HECTD3: variants seen among roughly 807,000 people sequenced by gnomAD.
HECTD3 encodes the protein E3 ubiquitin-protein ligase HECTD3.
In HECTD3, 72 loss-of-function variants were observed where a neutral mutation model predicts 109.3. The observed-to-expected ratio is 0.66, with a 90% CI of 0.54 to 0.80. The LOEUF is 0.80. Among genes scored for constraint, HECTD3 ranks in the 30% least tolerant of loss-of-function variants. HECTD3 has a pLI of 0.00. For synonymous variants in HECTD3, 481 were observed against 471.8 expected, an observed-to-expected ratio of 1.02 and a Z score of -0.25; for missense variants, 1,041 against 1,165.2, an observed-to-expected ratio of 0.89 and a Z score of 1.55.
rs781675937 is a variant in HECTD3, at chr1:45,010,999, C to G, written c.259G>C (p.Gly87Arg). ...AAGPAPGTGS[G>R]PLRAARDSIE... ...CTGTCGCGGGCGGCGCGGAGGGGCC[C>G]GGAGCCGGTACCGGGGGCTGGGCCT... Residue 87 changes from glycine to arginine, a missense_variant, in exon 1 of 21, where the codon GGG (glycine) becomes CGG (arginine). Gly to Arg is a moderately radical substitution (Grantham distance 125). Transcript: ENST00000372172. The G allele has an allele frequency of 6.8e-7, 1 of 1,464,752 alleles. No homozygotes were observed. The highest frequency in any genetic ancestry group is 2.8e-5 in the Admixed American group (1 of 36,282). 90.7% of individuals were successfully genotyped at this position (1,464,752 alleles called of 1,614,324 possible).
At position 45,007,540 on chromosome 1, in the gene HECTD3, C is replaced by T; in HGVS notation, c.1376G>A (p.Cys459Tyr). 2 of 1,613,888 alleles carry T rather than the reference C, an allele frequency of 1.2e-6. No individual in the cohort carries two copies. The highest frequency in any genetic ancestry group is 1.7e-6 in the Non-Finnish European group (2 of 1,180,010). Residue 459 changes from cysteine to tyrosine, a missense_variant, in exon 10 of 21, where the codon TGC becomes TAC. Coordinates refer to ENST00000372172, the MANE Select transcript of HECTD3 (RefSeq NM_024602.6). ...SRQRPGLVAQCLRDSESSKPS... is the reference protein window; with the variant it reads ...SRQRPGLVAQYLRDSESSKPS... Reference sequence around the variant, plus strand: ...CTTGCTGCTCTCAGAGTCACGCAGGCACTGAGCCACCAGGCCTGGCCGCTG... The same window carrying T: ...CTTGCTGCTCTCAGAGTCACGCAGGTACTGAGCCACCAGGCCTGGCCGCTG...
At position 45,003,792 on chromosome 1, in the gene HECTD3, C is replaced by T. The variant is rs376486755; in HGVS notation, c.2430-52G>A. The T allele has an allele frequency of 1.5e-3, 2,384 of 1,612,156 alleles. 3 individuals carry two copies. Among genetic ancestry groups the T allele is most frequent in the Non-Finnish European group, 1.9e-3 (2,288 of 1,178,280 alleles). On this transcript the variant is annotated intron_variant, in intron 19 of 20. Coordinates refer to ENST00000372172, the MANE Select transcript of HECTD3 (RefSeq NM_024602.6). This position sits in a 1 kb window ranked among gnomAD's most constrained non-coding sequence, Gnocchi z 4.7. ...AGGAAGATGTGTTGGGGCACATGTA[C>T]GTGTGTGGGGAGGGAGGACAGAAGG...
At position 45,009,987 on chromosome 1, in the gene HECTD3, G is replaced by C; in HGVS notation, c.758C>G (p.Thr253Arg). 1 of 1,530,576 alleles carries C rather than the reference G, an allele frequency of 6.5e-7. No homozygotes were observed. The highest frequency in any genetic ancestry group is 8.8e-7 in the Non-Finnish European group (1 of 1,136,468). The allele number at this position is 1,530,576 out of a possible 1,614,324, so 94.8% of individuals were successfully genotyped here. The change falls in exon 4 of 21, where the codon ACG becomes AGG. Residue 253 changes from threonine (T) to arginine (R), a missense_variant and splice_region_variant. Transcript: ENST00000372172. The stretch of plus-strand genomic sequence containing the variant: ...GGTGGGAGGAGCCCCAGCACCCACC[G>C]TGTAGGAGGAAACGTCTATGCTCTC... Reference protein sequence around the residue: ...YVESIDVSSYTEEFNVSCLTD... With the variant: ...YVESIDVSSYREEFNVSCLTD...
At position 45,009,817 on chromosome 1, in the gene HECTD3, C is replaced by T. The variant is rs1287150105; in HGVS notation, c.760-134G>A. ...AGGCAACTGGTATGGGATAGGGGGC[C>T]GCTGGGTATGTAAGGGGTCCTATAG... On this transcript the variant is annotated intron_variant, in intron 4 of 20. Transcript: ENST00000372172. The T allele has an allele frequency of 2.5e-5, 26 of 1,047,868 alleles. 1 individual carries two copies. The South Asian group carries it at 2.7e-4, about 11-fold the overall frequency. 64.9% of individuals were successfully genotyped at this position (1,047,868 alleles called of 1,614,324 possible). A position where few individuals can be genotyped will look rare whatever the true frequency, so the allele number is the denominator to read the frequency against.
In HECTD3 at chr1:45,006,918, C is replaced by T; in HGVS notation, c.1621+33G>A. 6.2e-7 allele frequency: 1 copy of T among 1,608,408 alleles called. No individual in the cohort carries two copies. The highest frequency in any genetic ancestry group is 8.5e-7 in the Non-Finnish European group (1 of 1,174,836). ...TCTACCACTTTGATAGGGCAGCAAG[C>T]AGGACCCTTGAGATCCTCCCTCAGG... is the stretch of plus-strand genomic sequence containing the variant. On this transcript the variant is annotated intron_variant, in intron 12 of 20. Coordinates refer to ENST00000372172, the MANE Select transcript of HECTD3 (RefSeq NM_024602.6). This position sits in a 1 kb window ranked among gnomAD's most constrained non-coding sequence, Gnocchi z 4.7.
Position 45,006,794 on chromosome 1 carries a change from C to T in HECTD3, c.1623G>A (p.Gly541=), listed in dbSNP as rs764363669. The stretch of plus-strand genomic sequence containing the variant: ...CTGCCAGGCTGTCCCGGAAACCACC[C>T]CCTGAAATGACAGATGCCCTCAGCT... The part of the protein sequence containing the change: ...KFIAEGIIDQ[G]GGFRDSLADM... Residue 541 remains glycine (G), a splice_region_variant and synonymous_variant, in exon 13 of 21, where the codon GGG becomes GGA. Coordinates refer to ENST00000372172, the MANE Select transcript of HECTD3 (RefSeq NM_024602.6). The surrounding 1 kb of genome is among the most constrained non-coding windows in gnomAD (Gnocchi z 4.7). The T allele has an allele frequency of 1.2e-6, 2 of 1,612,092 alleles. No individual in the cohort carries two copies. The highest frequency in any genetic ancestry group is 2.2e-5 in the East Asian group (1 of 44,848).
intron 7 of HECTD3, 88 bp from the exon 8 acceptor site, chr1:45,008,789 C>A (rs993198399): frequency 3.1e-5 from 39 of 1,277,960 alleles, no homozygotes; most frequent in Non-Finnish European, 3.8e-5. Flanking sequence ...GAACGCTCAG[C>A]CTTGTGTCAC....
At chr1:45,005,004 A>T (rs1233182385) in intron 15 of HECTD3, 198 bp from the exon 16 acceptor site, 2 of 611,870 alleles carry the variant, frequency 3.3e-6, no homozygotes, top group Non-Finnish European at 5.8e-6. Context: ...CAGAGGAGGC[A>T]TCCTGTGGAA....
In HECTD3 at chr1:45,006,212, C is replaced by T; in HGVS notation, c.1726-96G>A. 6.7e-7 allele frequency: 1 copy of T among 1,495,494 alleles called. No homozygotes were observed. The highest frequency in any genetic ancestry group is 1.4e-5 in the African/African-American group (1 of 72,922). The allele number at this position is 1,495,494 out of a possible 1,614,324, so 92.6% of individuals were successfully genotyped here. ...AACATTTTCCACTGGGAACATTTTC[C>T]ACTAAATGATCCCTTCAAATGCACA... On this transcript the variant is annotated intron_variant, in intron 13 of 20. Coordinates refer to ENST00000372172, the MANE Select transcript of HECTD3 (RefSeq NM_024602.6). The surrounding 1 kb of genome is among the most constrained non-coding windows in gnomAD (Gnocchi z 4.7).
At position 45,003,659 on chromosome 1, in the gene HECTD3, A is replaced by G. The variant is rs779612022; in HGVS notation, c.2501+10T>C. 6.2e-7 allele frequency: 1 copy of G among 1,614,064 alleles called. No individual in the cohort carries two copies. The highest frequency in any genetic ancestry group is 8.5e-7 in the Non-Finnish European group (1 of 1,180,020). On this transcript the variant is annotated intron_variant, in intron 20 of 20. Transcript: ENST00000372172. This position sits in a 1 kb window ranked among gnomAD's most constrained non-coding sequence, Gnocchi z 4.7. ...CCTGGGCCCCAAATCGAGCCTAGGA[A>G]AAAACCCACCTGGCATAGTGTGGCA...
rs1644706409 is a variant in HECTD3 at position 45,003,317 on chromosome 1, C to T, written c.*175G>A. On this transcript the variant is annotated 3_prime_UTR_variant, in exon 21 of 21. Coordinates refer to ENST00000372172, the MANE Select transcript of HECTD3 (RefSeq NM_024602.6). The surrounding 1 kb of genome is among the most constrained non-coding windows in gnomAD (Gnocchi z 4.7). The stretch of plus-strand genomic sequence containing the variant: ...GGGCTTGTGGGTCTGCGGGGCTGGG[C>T]CACTAGTGTTACCTGACCATGCCAG... 1.6e-6 allele frequency: 1 copy of T among 615,172 alleles called. No homozygotes were observed. The highest frequency in any genetic ancestry group is 2.9e-6 in the Non-Finnish European group (1 of 342,630). 38.1% of individuals were successfully genotyped at this position (615,172 alleles called of 1,614,324 possible).
intron 15 of HECTD3, 62 bp from the exon 16 acceptor site, chr1:45,004,868 C>A: frequency 6.9e-7 from 1 of 1,455,408 alleles, no homozygotes; most frequent in Non-Finnish European, 9.7e-7. Context: ...CCTGTCTTTC[C>A]ACAAGATGCT....
At chr1:45,008,995 C>T (rs1198045353) in intron 7 of HECTD3, 149 bp downstream of exon 7, 10 of 730,866 alleles carry the variant, frequency 1.4e-5, no homozygotes, top group Non-Finnish European at 1.6e-5. Flanking sequence ...TCCCAGCTGG[C>T]TCAGGCCCCA....
Position 45,002,624 on chromosome 1 carries a change from G to C in HECTD3, c.*868C>G, listed in dbSNP as rs1212912393. The C allele has an allele frequency of 1.3e-5, 2 of 152,256 alleles. No homozygotes were observed. Among genetic ancestry groups the C allele is most frequent in the Non-Finnish European group, 2.9e-5 (2 of 68,078 alleles). 9.4% of individuals were successfully genotyped at this position (152,256 alleles called of 1,614,324 possible). On this transcript the variant is annotated 3_prime_UTR_variant, in exon 21 of 21. Coordinates refer to ENST00000372172, the MANE Select transcript of HECTD3 (RefSeq NM_024602.6). ...GAGTGTCACGGAGGCCCTGAGGGAG[G>C]AACGGTAAACTGGGGCAGGGGTGTG...
chr1:45,009,909 G>T, intron 4 of HECTD3, 77 bp downstream of exon 4: 9 of 1,498,686 alleles, frequency 6.0e-6, no homozygotes, highest in Non-Finnish European at 7.2e-6. Flanking sequence ...TGGCCTGCAG[G>T]TGGGGGTTCT....
chr1:45,003,323 G>T lies in HECTD3; in HGVS notation c.*169C>A. ...GTGGGTCTGCGGGGCTGGGCCACTA[G>T]TGTTACCTGACCATGCCAGCTGCCC... On this transcript the variant is annotated 3_prime_UTR_variant, in exon 21 of 21. Coordinates refer to ENST00000372172, the MANE Select transcript of HECTD3 (RefSeq NM_024602.6). The surrounding 1 kb of genome is among the most constrained non-coding windows in gnomAD (Gnocchi z 4.7). The T allele has an allele frequency of 3.2e-6, 2 of 630,788 alleles. No individual in the cohort carries two copies. Among genetic ancestry groups the T allele is most frequent in the Non-Finnish European group, 5.7e-6 (2 of 351,336 alleles). 39.1% of individuals were successfully genotyped at this position (630,788 alleles called of 1,614,324 possible).
rs377502997 is a variant in HECTD3, at chr1:45,009,106, C to G, written c.1072+38G>C. ...CTCTCTGTTTGCCCCCATCTCCACGCCGGGCTCTCTTTCCCTCCTTATAGC... is the reference window on the plus strand; with the variant it reads ...CTCTCTGTTTGCCCCCATCTCCACGGCGGGCTCTCTTTCCCTCCTTATAGC... On this transcript the variant is annotated intron_variant, in intron 7 of 20. Coordinates refer to ENST00000372172, the MANE Select transcript of HECTD3 (RefSeq NM_024602.6). 7 of 1,531,442 alleles carry G rather than the reference C, an allele frequency of 4.6e-6. No homozygotes were observed. The African/African-American group carries it at 9.6e-5, about 21-fold the overall frequency. The allele number at this position is 1,531,442 out of a possible 1,614,324, so 94.9% of individuals were successfully genotyped here.
chr1:45,005,605 A>T, intron 15 of HECTD3, 189 bp downstream of exon 15: 1 of 501,846 alleles, frequency 2.0e-6, no homozygotes. Context: ...CCCCAGGCTT[A>T]GGAGAGGCTG....
At chr1:45,008,371 AC>A in intron 8 of HECTD3, 50 bp from the exon 9 acceptor site, 1 of 1,536,176 alleles carries the variant, frequency 6.5e-7, no homozygotes, top group Non-Finnish European at 9.0e-7. Context: ...TACCTGTAAC[AC>A]CCCCAACTCC....
Sources: allele counts gnomAD v4.1 joint callset, GRCh38; gene constraint gnomAD v4.1.1; non-coding constraint Gnocchi (gnomAD v3.1); transcripts MANE v1.5; gene names NCBI Gene and HGNC (gene_info 2026-07-23, HGNC 2026-07-21).